ILRUN: variants seen among roughly 807,000 people sequenced by gnomAD.
ILRUN encodes protein ILRUN.
A neutral mutation model predicts 33.8 loss-of-function variants in ILRUN; 3 were observed. That is an observed-to-expected ratio of 0.09 (90% CI 0.04 to 0.23). The LOEUF is 0.23. Ranked by LOEUF, ILRUN falls within the 10% of genes least tolerant of loss-of-function variation. The pLI, the probability that ILRUN is intolerant of heterozygous loss-of-function variation, is 1.00. For synonymous variants in ILRUN, 124 were observed against 138.9 expected (o/e 0.89, Z 0.75); for missense variants, 210 against 375.1 (o/e 0.56, Z 3.64).
At chr6:34,671,610 G>A (rs1763119512) in intron 1 of ILRUN, among the ~76,000 whole-genome samples, 1 of 152,164 alleles carries the variant, frequency 6.6e-6, no homozygotes, top group South Asian at 2.1e-4. Flanking sequence ...TCCTAAGAAT[G>A]AAAGGCAGAA....
At chr6:34,641,840 T>C (rs186195266) in intron 3 of ILRUN, among the ~76,000 whole-genome samples, 37 of 152,170 alleles carry the variant, frequency 2.4e-4, no homozygotes, top group African/African-American at 8.9e-4. Flanking sequence ...AAGTTCATGG[T>C]GGGTAAGCAC....
intron 3 of ILRUN, among the ~76,000 whole-genome samples, chr6:34,617,934 C>G (rs1011494575): frequency 6.6e-6 from 1 of 152,186 alleles, no homozygotes; most frequent in Non-Finnish European, 1.5e-5. Flanking sequence ...GATAGGAGAA[C>G]TGAAGAGGAA....
chr6:34,592,030 T>C lies in ILRUN; in HGVS notation c.862-1430A>G, dbSNP rs1761304574. Among the ~76,000 whole-genome samples, 1 of 152,124 alleles carries C rather than the reference T, an allele frequency of 6.6e-6. No individual in the cohort carries two copies. The highest frequency in any genetic ancestry group is 2.1e-4 in the South Asian group (1 of 4,826). ...AAGATGTGCCAACATCAAAAGCAGC[T>C]ACACAAACCACGAACACGCTGGACC... On this transcript the variant is annotated intron_variant, in intron 4 of 4. Transcript: ENST00000374023. This position sits in a 1 kb window ranked among gnomAD's most constrained non-coding sequence, Gnocchi z 4.0.
intron 3 of ILRUN, among the ~76,000 whole-genome samples, chr6:34,612,814 G>A (rs567378586): frequency 6.6e-6 from 1 of 152,240 alleles, no homozygotes; most frequent in South Asian, 2.1e-4. Flanking sequence ...AGGCCAAGGC[G>A]GGCGGATCAT....
chr6:34,686,104 G>C (rs1413443092), intron 1 of ILRUN, among the ~76,000 whole-genome samples: 2 of 152,174 alleles, frequency 1.3e-5, no homozygotes, highest in South Asian at 4.1e-4. Flanking sequence ...AAACATTTGT[G>C]AATCATAGGA....
At chr6:34,642,825 C>CAAAAAAA (rs57866309) in intron 3 of ILRUN, among the ~76,000 whole-genome samples, 2 of 42,982 alleles carry the variant, frequency 4.7e-5, no homozygotes, top group Non-Finnish European at 8.2e-5. Flanking sequence ...CCGTCTCTAC[C>CAAAAAAA]AAAAAAAAAA....
rs151076011 is a variant in ILRUN at position 34,606,711 on chromosome 6, G to C, written c.705C>G (p.Phe235Leu). ...NNLKDPGGSEFDSISKNTWAP... is the reference protein window; with the variant it reads ...NNLKDPGGSELDSISKNTWAP... ...CCCATGTGTTTTTGCTGATCGAGTCGAACTCGGAGCCCCCAGGGTCTTTTA... is the reference window on the plus strand; with the variant it reads ...CCCATGTGTTTTTGCTGATCGAGTCCAACTCGGAGCCCCCAGGGTCTTTTA... Residue 235 changes from phenylalanine (F) to leucine (L), a missense_variant, in exon 4 of 5, where the codon TTC becomes TTG. Physicochemically the swap from Phe to Leu is conservative, Grantham distance 22 (BLOSUM62 0). This residue lies in a region of ILRUN where 81 missense variants were observed against 97.0 expected (regional missense o/e 0.84). Transcript: ENST00000374023. The C allele has an allele frequency of 1.2e-6, 2 of 1,614,130 alleles. No individual in the cohort carries two copies. Among genetic ancestry groups the C allele is most frequent in the Admixed American group, 1.7e-5 (1 of 59,998 alleles).
At chr6:34,671,134 C>T (rs1388307310) in intron 1 of ILRUN, among the ~76,000 whole-genome samples, 1 of 151,950 alleles carries the variant, frequency 6.6e-6, no homozygotes. Context: ...AGCACAGAGG[C>T]TGGGGTCCGG....
chr6:34,655,040 T>C (rs912050673), intron 1 of ILRUN, among the ~76,000 whole-genome samples: 3 of 152,160 alleles, frequency 2.0e-5, no homozygotes, highest in African/African-American at 7.2e-5. Flanking sequence ...ATCTCCCTTA[T>C]TACCCACAGG....
At chr6:34,623,880 G>C (rs182749626) in intron 3 of ILRUN, among the ~76,000 whole-genome samples, 6 of 152,258 alleles carry the variant, frequency 3.9e-5, no homozygotes, top group Non-Finnish European at 5.9e-5. Flanking sequence ...TGCCCAGGCT[G>C]GAGTGCAGTG....
chr6:34,633,738 T>TC (rs765310016), intron 3 of ILRUN, among the ~76,000 whole-genome samples: 5 of 150,468 alleles, frequency 3.3e-5, no homozygotes, highest in Non-Finnish European at 7.4e-5. Context: ...GCGCCTGTAG[T>TC]CCCAGCTACT....
At chr6:34,657,297 G>T (rs2127367635) in intron 1 of ILRUN, among the ~76,000 whole-genome samples, 1 of 152,290 alleles carries the variant, frequency 6.6e-6, no homozygotes, top group Non-Finnish European at 1.5e-5. Context: ...CAGGACAATT[G>T]CCAATTCTCA....
intron 1 of ILRUN, among the ~76,000 whole-genome samples, chr6:34,666,019 T>C (rs1024182893): frequency 2.7e-5 from 4 of 150,656 alleles, no homozygotes; most frequent in Admixed American, 1.3e-4. Flanking sequence ...CCCTAGGATA[T>C]ACATCTAAGA....
chr6:34,684,639 G>A (rs1333855928), intron 1 of ILRUN, among the ~76,000 whole-genome samples: 1 of 152,074 alleles, frequency 6.6e-6, no homozygotes, highest in Non-Finnish European at 1.5e-5. Context: ...AGGAAAGAGT[G>A]GAGTTCAAAG....
intron 1 of ILRUN, among the ~76,000 whole-genome samples, chr6:34,693,606 G>A (rs186845615): frequency 6.6e-6 from 1 of 151,774 alleles, no homozygotes; most frequent in Non-Finnish European, 1.5e-5. Flanking sequence ...CAACATATAT[G>A]CTACTCCATG....
intron 3 of ILRUN, among the ~76,000 whole-genome samples, chr6:34,610,540 C>T (rs960860226): frequency 6.6e-6 from 1 of 152,158 alleles, no homozygotes; most frequent in African/African-American, 2.4e-5. Context: ...TTTTTGACCA[C>T]CAATCTGACA....
intron 3 of ILRUN, among the ~76,000 whole-genome samples, chr6:34,609,286 C>T (rs967436834): frequency 2.0e-5 from 3 of 152,146 alleles, no homozygotes; most frequent in East Asian, 1.9e-4. Context: ...GTCAGGAGTT[C>T]GAGACTAGCC....
chr6:34,624,321 T>G (rs1441436491), intron 3 of ILRUN, among the ~76,000 whole-genome samples: 1 of 151,890 alleles, frequency 6.6e-6, no homozygotes, highest in Non-Finnish European at 1.5e-5. Context: ...CTAATTTATT[T>G]TTTTATTTTT....
At chr6:34,668,315 A>ACAGCAGCTTTATTCAT (rs1763045682) in intron 1 of ILRUN, among the ~76,000 whole-genome samples, 1 of 152,228 alleles carries the variant, frequency 6.6e-6, no homozygotes, top group African/African-American at 2.4e-5. Context: ...CTCACAAGTG[A>ACAGCAGCTTTATTCAT]AATGTTCACA....
Sources: gnomAD v4.1 joint callset for allele counts (sites outside exome capture counted in the v4.1 genomes callset) on GRCh38, gnomAD v4.1.1 for gene constraint, gnomAD v4.1.1 regional missense constraint, Gnocchi (gnomAD v3.1) non-coding constraint, MANE v1.5 for transcripts, NCBI Gene and HGNC (gene_info 2026-07-23, HGNC 2026-07-21) for gene names.